Variants in TANC1 observed in about 807,000 individuals in gnomAD.
TANC1 encodes protein TANC1.
Under a neutral mutation model 149.7 loss-of-function variants are expected in TANC1, and 77 were observed. That is an observed-to-expected ratio of 0.51 (90% CI 0.43 to 0.62). The LOEUF (loss-of-function observed/expected upper bound fraction) is 0.62, where lower values mean the gene tolerates loss of function less well. TANC1 is among the 20% of genes least tolerant of loss of function. The pLI is 0.00. For synonymous variants in TANC1, 854 were observed against 925.0 expected, an observed-to-expected ratio of 0.92 and a Z score of 1.39; for missense variants, 1,985 against 2,321.8, an observed-to-expected ratio of 0.85 and a Z score of 2.98.
At chr2:159,047,197 C>CA (rs1559169649) in intron 2 of TANC1, among the ~76,000 whole-genome samples, 2 of 150,954 alleles carry the variant, frequency 1.3e-5, no homozygotes, top group African/African-American at 2.4e-5. Context: ...TTCCCCCCCC[C>CA]AGTTATTGCC....
At chr2:158,969,341 A>G (rs1017794577) in intron 1 of TANC1, among the ~76,000 whole-genome samples, 5 of 152,242 alleles carry the variant, frequency 3.3e-5, no homozygotes, top group Admixed American at 3.3e-4. Flanking sequence ...GTATTGCCCC[A>G]GTCTGGGCTG....
rs2055327433 is a variant in TANC1 at position 159,172,141 on chromosome 2, C to T, written c.1372C>T (p.Leu458Phe). The stretch of plus-strand genomic sequence containing the variant: ...TGCAGCCTCTGACCCCACTCAGGAT[C>T]TTCATTTCACTCCGTTGCTTTCACC... ...SPKTSDPTQD[L>F]HFTPLLSPSS... The change falls in exon 11 of 27, where the codon CTT becomes TTT. Residue 458 changes from leucine (L) to phenylalanine (F), a missense_variant. This residue lies in a region of TANC1 where 557 missense variants were observed against 612.9 expected (regional missense o/e 0.91). Coordinates refer to ENST00000263635, the MANE Select transcript of TANC1 (RefSeq NM_033394.3). The T allele has an allele frequency of 6.2e-7, 1 of 1,614,036 alleles. No homozygotes were observed. Among genetic ancestry groups the T allele is most frequent in the African/African-American group, 1.3e-5 (1 of 74,934 alleles).
At chr2:159,089,881 T>C (rs1266228654) in intron 3 of TANC1, among the ~76,000 whole-genome samples, 1 of 152,230 alleles carries the variant, frequency 6.6e-6, no homozygotes. Flanking sequence ...CCTACACACA[T>C]GTCACTTCGA....
At chr2:159,060,938 G>A (rs1251215449) in intron 2 of TANC1, among the ~76,000 whole-genome samples, 3 of 152,184 alleles carry the variant, frequency 2.0e-5, no homozygotes, top group African/African-American at 7.2e-5. Context: ...ATGCTGTGCA[G>A]AATTCAAATA....
rs567459490 is a variant in TANC1, at chr2:159,016,775, T to C, written c.-16+15586T>C. Among the ~76,000 whole-genome samples the C allele has an allele frequency of 9.9e-5, 15 of 151,938 alleles. No homozygotes were observed. The South Asian group carries it at 1.2e-3, about 13-fold the overall frequency. ...ATTTTTAGTAGAGACAGGGTTTCAC[T>C]GTGTTAGCCAGGATGGTCTCGATCT... On this transcript the variant is annotated intron_variant, in intron 2 of 26. Transcript: ENST00000263635.
At chr2:159,077,638 A>T (rs411291) in intron 3 of TANC1, among the ~76,000 whole-genome samples, 1 of 151,962 alleles carries the variant, frequency 6.6e-6, no homozygotes, top group Non-Finnish European at 1.5e-5. Flanking sequence ...CATTTTTTTC[A>T]TATTGGCACA....
At chr2:159,129,324 T>C (rs1189922358) in intron 4 of TANC1, among the ~76,000 whole-genome samples, 1 of 152,216 alleles carries the variant, frequency 6.6e-6, no homozygotes, top group Non-Finnish European at 1.5e-5. Context: ...ACTCCTTATG[T>C]GGCAGTTTCT....
rs1559445158 is a variant in TANC1, at chr2:159,199,063, ATGCCAC to A, written c.3244+14_3244+19del. ...TTGTGGGGAGAAACAGGTAATTATA[ATGCCAC>A]TGCTTGTAGTCTGGGGCAGCTTGCT... On this transcript the variant is annotated intron_variant, in intron 19 of 26. Transcript: ENST00000263635. 4.3e-6 allele frequency: 7 copies of A among 1,609,360 alleles called. No homozygotes were observed. The highest frequency in any genetic ancestry group is 6.0e-6 in the Non-Finnish European group (7 of 1,175,716).
At chr2:159,068,430 A>G (rs1055877405) in intron 3 of TANC1, among the ~76,000 whole-genome samples, 1 of 152,216 alleles carries the variant, frequency 6.6e-6, no homozygotes, top group Non-Finnish European at 1.5e-5. Flanking sequence ...AATTTAGGAG[A>G]CATGTCTAAA....
Position 158,979,293 on chromosome 2 carries a change from A to T in TANC1, c.-126+10511A>T, listed in dbSNP as rs138555343. On this transcript the variant is annotated intron_variant, in intron 1 of 26. Coordinates refer to ENST00000263635, the MANE Select transcript of TANC1 (RefSeq NM_033394.3). ...CTCTTGAGCCAAGGAATTTCAGACC[A>T]GCCTGGGCAACATAGGAAGTCTCTG... is the stretch of plus-strand genomic sequence containing the variant. Among the ~76,000 whole-genome samples, 11 of 152,176 alleles carry T rather than the reference A, an allele frequency of 7.2e-5. No individual in the cohort carries two copies. The East Asian group carries it at 2.1e-3, about 29-fold the overall frequency.
In TANC1 at chr2:159,219,724, C is replaced by T; in HGVS notation, c.3535C>T (p.Leu1179=). 6.2e-7 allele frequency: 1 copy of T among 1,614,210 alleles called. No homozygotes were observed. Among genetic ancestry groups the T allele is most frequent in the Non-Finnish European group, 8.5e-7 (1 of 1,180,046 alleles). Residue 1179 remains leucine (L), a synonymous_variant, in exon 22 of 27, where the codon CTG becomes TTG. Transcript: ENST00000263635. ...CCTTTCTTCTCTAGACAAAGAGGGT[C>T]TGTCAGCATTAAGCTGGGCTTGTCT... ...AALSSLDKEG[L]SALSWACLKG...
chr2:159,156,070 T>G (rs2053401837), intron 7 of TANC1, among the ~76,000 whole-genome samples: 1 of 152,212 alleles, frequency 6.6e-6, no homozygotes, highest in African/African-American at 2.4e-5. Flanking sequence ...TAATTGTACT[T>G]TATTTTCCTT....
rs1265384950 is a variant in TANC1, at chr2:159,001,957, G to A, written c.-16+768G>A. Among the ~76,000 whole-genome samples the A allele has an allele frequency of 6.6e-6, 1 of 152,180 alleles. No individual in the cohort carries two copies. The highest frequency in any genetic ancestry group is 1.5e-5 in the Non-Finnish European group (1 of 68,036). ...GAGGAGGGTTGGGGATAGAGGAGCA[G>A]CTAGACCAAAGGAATGAGAAGTCGG... is the stretch of plus-strand genomic sequence containing the variant. On this transcript the variant is annotated intron_variant, in intron 2 of 26. Coordinates refer to ENST00000263635, the MANE Select transcript of TANC1 (RefSeq NM_033394.3). The surrounding 1 kb of genome is among the most constrained non-coding windows in gnomAD (Gnocchi z 4.3).
intron 8 of TANC1, among the ~76,000 whole-genome samples, chr2:159,164,076 C>T (rs2054326157): frequency 6.6e-6 from 1 of 152,024 alleles, no homozygotes; most frequent in African/African-American, 2.4e-5. Context: ...TGAAAATATT[C>T]GAGATAGACA....
chr2:159,081,205 C>T (rs2044239887), intron 3 of TANC1, among the ~76,000 whole-genome samples: 1 of 152,188 alleles, frequency 6.6e-6, no homozygotes, highest in Admixed American at 6.5e-5. Context: ...AGAAAATTGG[C>T]TATCTTTATA....
intron 4 of TANC1, among the ~76,000 whole-genome samples, chr2:159,111,133 A>G (rs1387587648): frequency 6.6e-6 from 1 of 152,236 alleles, no homozygotes; most frequent in East Asian, 1.9e-4. Flanking sequence ...TCTTGGCAGA[A>G]AAGAGAAACA....
At chr2:159,005,416 C>G (rs1052227482) in intron 2 of TANC1, among the ~76,000 whole-genome samples, 5 of 152,054 alleles carry the variant, frequency 3.3e-5, no homozygotes, top group Non-Finnish European at 7.4e-5. Context: ...CATGGCGAAA[C>G]CCCATCTCTA....
chr2:159,201,383 A>G (rs940822065), intron 19 of TANC1, among the ~76,000 whole-genome samples: 17 of 152,352 alleles, frequency 1.1e-4, no homozygotes, highest in African/African-American at 3.6e-4. Flanking sequence ...ATGAAGGCAG[A>G]TGAGGCATCG....
intron 2 of TANC1, among the ~76,000 whole-genome samples, chr2:159,008,808 G>A (rs898762131): frequency 6.6e-6 from 1 of 152,264 alleles, no homozygotes; most frequent in African/African-American, 2.4e-5. Context: ...TAGAGACAAA[G>A]TATTCGGTTG....
Sources: gnomAD v4.1 joint callset for allele counts (sites outside exome capture counted in the v4.1 genomes callset) on GRCh38, gnomAD v4.1.1 for gene constraint, gnomAD v4.1.1 regional missense constraint, Gnocchi (gnomAD v3.1) non-coding constraint, MANE v1.5 for transcripts, NCBI Gene and HGNC (gene_info 2026-07-23, HGNC 2026-07-21) for gene names.